KCTD1: variants seen among roughly 807,000 people sequenced by gnomAD.
KCTD1 encodes the protein BTB/POZ domain-containing protein KCTD1.
In KCTD1, 24 loss-of-function variants were observed where a neutral mutation model predicts 66.0. The ratio of observed to expected loss-of-function variants is 0.36; its 90% CI spans 0.26 to 0.51. The LOEUF (loss-of-function observed/expected upper bound fraction) is 0.51, where lower values mean the gene tolerates loss of function less well. KCTD1 is among the 20% of genes least tolerant of loss of function. The pLI, the probability that KCTD1 is intolerant of heterozygous loss-of-function variation, is 0.95. For synonymous variants in KCTD1, 511 were observed against 517.2 expected, an observed-to-expected ratio of 0.99 and a Z score of 0.16; for missense variants, 943 against 1,205.2, an observed-to-expected ratio of 0.78 and a Z score of 3.22.
intron 1 of KCTD1, among the ~76,000 whole-genome samples, chr18:26,511,749 C>G (rs1983341977): frequency 6.6e-6 from 1 of 152,206 alleles, no homozygotes; most frequent in African/African-American, 2.4e-5. Context: ...TATTACTAGG[C>G]TATACATGCT....
chr18:26,484,344 C>G (rs138519178), intron 2 of KCTD1, among the ~76,000 whole-genome samples: 3,873 of 152,174 alleles, frequency 0.025, 80 homozygotes, highest in Middle Eastern at 0.044. Flanking sequence ...AGTACCTGTT[C>G]CCTGAGGTGG....
At chr18:26,650,678 A>G (rs756138320) in intron 1 of KCTD1, among the ~76,000 whole-genome samples, 6 of 152,204 alleles carry the variant, frequency 3.9e-5, no homozygotes, top group Non-Finnish European at 8.8e-5. Context: ...ATAGAGAAGG[A>G]TCAGTACCAT....
intron 1 of KCTD1, among the ~76,000 whole-genome samples, chr18:26,606,114 A>T (rs1987009410): frequency 6.6e-6 from 1 of 152,218 alleles, no homozygotes; most frequent in Non-Finnish European, 1.5e-5. Flanking sequence ...AATAGTTATT[A>T]TCAATAGAAA....
At chr18:26,597,336 G>A (rs753269645) in intron 1 of KCTD1, among the ~76,000 whole-genome samples, 3 of 152,118 alleles carry the variant, frequency 2.0e-5, no homozygotes, top group Non-Finnish European at 4.4e-5. Context: ...AACTTGAGGT[G>A]TGGAGACTGA....
chr18:26,600,294 A>T, intron 1 of KCTD1: 6 of 1,604,526 alleles, frequency 3.7e-6, no homozygotes, highest in Non-Finnish European at 5.1e-6. Flanking sequence ...CAGCCTTCAA[A>T]CCTGGGGAAA....
chr18:26,632,105 G>A (rs998584440), upstream of KCTD1, among the ~76,000 whole-genome samples: 2 of 147,456 alleles, frequency 1.4e-5, no homozygotes, highest in Admixed American at 6.8e-5. Flanking sequence ...CAACATACAG[G>A]CCGGTGCAGT....
rs571723289 is a variant in KCTD1, at chr18:26,533,802, T to G, written c.1809+12926A>C. On this transcript the variant is annotated intron_variant, in intron 1 of 4. Transcript: ENST00000580059. ...GGTATGAGCCACCACTCCTGGCCTG[T>G]GAGAATATTTTTAAAGCTATTATTT... Among the ~76,000 whole-genome samples, 4 of 143,844 alleles carry G rather than the reference T, an allele frequency of 2.8e-5. No individual in the cohort carries two copies. In the South Asian group the frequency reaches 8.9e-4, roughly 32 times the overall value. 94.4% of individuals were successfully genotyped at this position (143,844 alleles called of 152,430 possible). A position where few individuals can be genotyped will look rare whatever the true frequency, so the allele number is the denominator to read the frequency against.
intron 1 of KCTD1, among the ~76,000 whole-genome samples, chr18:26,512,936 A>G (rs1359455567): frequency 6.6e-6 from 1 of 152,042 alleles, no homozygotes; most frequent in Admixed American, 6.6e-5. Flanking sequence ...GGCTGAAATC[A>G]TGCCCCCGCA....
At chr18:26,590,421 A>G (rs1453479178) in intron 1 of KCTD1, among the ~76,000 whole-genome samples, 1 of 152,146 alleles carries the variant, frequency 6.6e-6, no homozygotes, top group African/African-American at 2.4e-5. Flanking sequence ...TTAGAAATGT[A>G]TTAGACCATT....
intron 1 of KCTD1, among the ~76,000 whole-genome samples, chr18:26,583,773 A>G (rs1461623306): frequency 6.6e-6 from 1 of 152,256 alleles, no homozygotes; most frequent in African/African-American, 2.4e-5. Flanking sequence ...AAATTTAAAA[A>G]TATCCTTTCT....
At chr18:26,458,230 A>AG (rs1980208988) in intron 4 of KCTD1, 1 of 152,324 alleles carries the variant, frequency 6.6e-6, no homozygotes, top group African/African-American at 2.4e-5. Flanking sequence ...TAGCATGCTT[A>AG]GGGAACATTT....
At chr18:26,656,317 C>T (rs1988138250) in intron 1 of KCTD1, among the ~76,000 whole-genome samples, 1 of 152,024 alleles carries the variant, frequency 6.6e-6, no homozygotes, top group African/African-American at 2.4e-5. Context: ...GTCCCAGCGC[C>T]GCCCCCACCC....
rs1986012077 is a variant in KCTD1, at chr18:26,567,534, C to A, written c.-16+61613G>T. ...ACACAGTCTTACTCTGTTGCCCAGG[C>A]TAGAGTGCAGTGGCATGATCTCGGC... On this transcript the variant is annotated intron_variant, in intron 1 of 4. Transcript: ENST00000317932. Among the ~76,000 whole-genome samples the A allele has an allele frequency of 2.0e-5, 3 of 146,924 alleles. No homozygotes were observed. The South Asian group carries it at 6.5e-4, about 32-fold the overall frequency.
intron 1 of KCTD1, among the ~76,000 whole-genome samples, chr18:26,516,287 G>A (rs979866751): frequency 6.6e-6 from 1 of 152,182 alleles, no homozygotes; most frequent in Non-Finnish European, 1.5e-5. Flanking sequence ...ATATTCAGGA[G>A]GTTGCTAATG....
At chr18:26,564,986 G>A (rs1234178166) in intron 1 of KCTD1, among the ~76,000 whole-genome samples, 1 of 152,090 alleles carries the variant, frequency 6.6e-6, no homozygotes, top group Non-Finnish European at 1.5e-5. Context: ...CAAAAGGAAA[G>A]AGATACTTGT....
At chr18:26,519,782 G>A (rs1211832086) in intron 1 of KCTD1, among the ~76,000 whole-genome samples, 3 of 152,234 alleles carry the variant, frequency 2.0e-5, no homozygotes, top group Non-Finnish European at 4.4e-5. Flanking sequence ...TAAAGAGAAA[G>A]ACGGGAGGAG....
intron 3 of KCTD1, among the ~76,000 whole-genome samples, chr18:26,473,566 A>C (rs201715665): frequency 2.5e-4 from 3 of 11,874 alleles, no homozygotes; most frequent in East Asian, 1.2e-3. Context: ...CTTAAAATTA[A>C]TAATAATAAT....
intron 1 of KCTD1, among the ~76,000 whole-genome samples, chr18:26,505,229 C>T (rs1041157314): frequency 6.6e-6 from 1 of 152,246 alleles, no homozygotes; most frequent in Non-Finnish European, 1.5e-5. Context: ...AGCCTTCTGT[C>T]GTTCATCATC....
intron 3 of KCTD1, 74 bp from the exon 4 acceptor site, chr18:26,459,999 G>A: frequency 8.8e-7 from 1 of 1,131,346 alleles, no homozygotes. Context: ...TCTAAGAGGT[G>A]ATTTTTTTCC....
Sources: allele counts gnomAD v4.1 joint callset (sites outside exome capture counted in the v4.1 genomes callset), GRCh38; gene constraint gnomAD v4.1.1; transcripts MANE v1.5; gene names NCBI Gene and HGNC (gene_info 2026-07-23, HGNC 2026-07-21).